The following MEGF11 variants were observed in gnomAD, a reference collection of about 807,000 sequenced individuals.
MEGF11 encodes the protein multiple EGF like domains 11, also known as multiple epidermal growth factor-like domains protein 11.
Under a neutral mutation model 146.6 loss-of-function variants are expected in MEGF11, and 126 were observed. The ratio of observed to expected loss-of-function variants is 0.86; its 90% CI spans 0.74 to 1.00. MEGF11 has a LOEUF of 1.00. Among genes scored for constraint, MEGF11 ranks in the 50% least tolerant of loss-of-function variants. The probability of loss-of-function intolerance (pLI) is 0.00; values close to 1 mark genes in which losing one functional copy is unlikely to be tolerated. For synonymous variants in MEGF11, 532 were observed against 583.4 expected, an observed-to-expected ratio of 0.91 and a Z score of 1.27; for missense variants, 1,509 against 1,521.2, an observed-to-expected ratio of 0.99 and a Z score of 0.13.
chr15:65,966,700 G>T (rs1456275684), intron 8 of MEGF11, among the ~76,000 whole-genome samples: 1 of 152,230 alleles, frequency 6.6e-6, no homozygotes, highest in East Asian at 1.9e-4. Flanking sequence ...GACCACCTTT[G>T]TGTCCTGTGT....
At chr15:66,120,607 C>T (rs1336042379) in intron 3 of MEGF11, among the ~76,000 whole-genome samples, 2 of 152,188 alleles carry the variant, frequency 1.3e-5, no homozygotes, top group African/African-American at 4.8e-5. Context: ...AATGACAGTG[C>T]AGAACTCTGG....
intron 5 of MEGF11, among the ~76,000 whole-genome samples, chr15:66,038,751 C>T (rs754505170): frequency 6.6e-6 from 1 of 152,182 alleles, no homozygotes; most frequent in Non-Finnish European, 1.5e-5. Flanking sequence ...GTGTTCTTCC[C>T]ACCTTATAAT....
At chr15:66,005,633 G>A (rs892809099) in intron 5 of MEGF11, among the ~76,000 whole-genome samples, 2 of 152,180 alleles carry the variant, frequency 1.3e-5, no homozygotes, top group Non-Finnish European at 2.9e-5. Flanking sequence ...TTTTCAGATG[G>A]TGGCTGGTGA....
At chr15:66,137,051 C>T (rs1042668752) in intron 1 of MEGF11, among the ~76,000 whole-genome samples, 2 of 152,126 alleles carry the variant, frequency 1.3e-5, no homozygotes, top group Admixed American at 6.5e-5. Context: ...AAGAGAGATG[C>T]TTGCCACAGC....
chr15:65,963,626 C>T (rs2080948923), intron 9 of MEGF11, among the ~76,000 whole-genome samples: 1 of 152,234 alleles, frequency 6.6e-6, no homozygotes, highest in South Asian at 2.1e-4. Flanking sequence ...GTTTCCTCCT[C>T]ATAGCCCAGC....
chr15:65,988,793 G>T (rs1208991708), intron 5 of MEGF11, among the ~76,000 whole-genome samples: 1 of 152,088 alleles, frequency 6.6e-6, no homozygotes, highest in African/African-American at 2.4e-5. Flanking sequence ...CAGGAGCTAA[G>T]GTGTGTCCTT....
In MEGF11 at chr15:66,052,081, G is replaced by A. The variant is rs578215014; in HGVS notation, c.394+42321C>T. The stretch of plus-strand genomic sequence containing the variant: ...GGAGGCAACAGAGGCGCACAGGTGA[G>A]ATTTATGTGGGTAGGGGTGAGCATC... On this transcript the variant is annotated intron_variant, in intron 5 of 25. Transcript: ENST00000395614. Among the ~76,000 whole-genome samples, 31 of 152,310 alleles carry A rather than the reference G, an allele frequency of 2.0e-4. 2 individuals are homozygous for A. In the South Asian group the frequency reaches 6.4e-3, roughly 32 times the overall value.
chr15:65,958,882 C>T (rs2080757239), intron 9 of MEGF11, among the ~76,000 whole-genome samples: 1 of 152,176 alleles, frequency 6.6e-6, no homozygotes, highest in Non-Finnish European at 1.5e-5. Flanking sequence ...CTTTTAGATT[C>T]CTTGTGGCAC....
At chr15:65,899,127 G>T in intron 24 of MEGF11, among the ~76,000 whole-genome samples, 193 bp from the exon 25 acceptor site, 1 of 152,204 alleles carries the variant, frequency 6.6e-6, no homozygotes, top group African/African-American at 2.4e-5. Context: ...TTTTTCCAAA[G>T]AAACTTATGT....
intron 1 of MEGF11, among the ~76,000 whole-genome samples, chr15:66,158,871 G>C (rs112503264): frequency 1.3e-5 from 2 of 152,094 alleles, no homozygotes; most frequent in African/African-American, 4.8e-5. Flanking sequence ...TCCAGTCTCC[G>C]CTTAATATCT....
chr15:65,912,846 C>T (rs1176789864), intron 20 of MEGF11, among the ~76,000 whole-genome samples: 2 of 152,276 alleles, frequency 1.3e-5, no homozygotes, highest in East Asian at 3.9e-4. Context: ...CAGAAGGCAA[C>T]ACTTAGCAGG....
intron 10 of MEGF11, among the ~76,000 whole-genome samples, chr15:65,951,988 C>T (rs1196360237): frequency 1.3e-5 from 2 of 152,022 alleles, no homozygotes; most frequent in East Asian, 1.9e-4. Flanking sequence ...GGCAATAGAA[C>T]GAGGCCCTAT....
At chr15:66,130,469 A>G (rs376641435) in intron 1 of MEGF11, among the ~76,000 whole-genome samples, 2 of 152,176 alleles carry the variant, frequency 1.3e-5, no homozygotes, top group Admixed American at 6.5e-5. Context: ...CACCAAGAGT[A>G]TCAAAAGATG....
At chr15:66,210,615 C>T (rs184505778) in intron 1 of MEGF11, among the ~76,000 whole-genome samples, 2 of 152,304 alleles carry the variant, frequency 1.3e-5, no homozygotes, top group African/African-American at 2.4e-5. Flanking sequence ...GAATGATCCC[C>T]TGCACTCAAA....
At chr15:66,228,542 G>A (rs1477545922) in intron 1 of MEGF11, among the ~76,000 whole-genome samples, 2 of 152,120 alleles carry the variant, frequency 1.3e-5, no homozygotes, top group African/African-American at 4.8e-5. Flanking sequence ...AGGCCTGCAG[G>A]GCACGAGCTC....
intron 1 of MEGF11, among the ~76,000 whole-genome samples, chr15:66,216,403 C>T (rs1348254461): frequency 6.6e-6 from 1 of 152,224 alleles, no homozygotes; most frequent in African/African-American, 2.4e-5. Flanking sequence ...GGTCAGGTCA[C>T]ATACGAACTC....
intron 4 of MEGF11, among the ~76,000 whole-genome samples, chr15:66,113,568 G>C (rs1428232037): frequency 6.6e-6 from 1 of 152,200 alleles, no homozygotes; most frequent in Non-Finnish European, 1.5e-5. Flanking sequence ...CTTAGGGGAT[G>C]CACCTGCTGG....
chr15:65,946,509 C>T (rs2080199319), intron 10 of MEGF11, among the ~76,000 whole-genome samples: 1 of 152,194 alleles, frequency 6.6e-6, no homozygotes, highest in Admixed American at 6.5e-5. Flanking sequence ...TCTCATGCCT[C>T]AGCCTCCCAA....
intron 1 of MEGF11, among the ~76,000 whole-genome samples, chr15:66,130,459 C>G (rs2088592070): frequency 2.0e-5 from 3 of 152,116 alleles, no homozygotes; most frequent in Admixed American, 2.0e-4. Context: ...AAACTTATTA[C>G]ACCAAGAGTA....
Sources: gnomAD v4.1 joint callset for allele counts (sites outside exome capture counted in the v4.1 genomes callset) on GRCh38, gnomAD v4.1.1 for gene constraint, MANE v1.5 for transcripts, NCBI Gene and HGNC (gene_info 2026-07-23, HGNC 2026-07-21) for gene names.